The following COLGALT2 variants were observed in gnomAD, a reference collection of about 807,000 sequenced individuals.
The protein encoded by COLGALT2 is procollagen galactosyltransferase 2.
Under a neutral mutation model 73.4 loss-of-function variants are expected in COLGALT2, and 49 were observed. That is an observed-to-expected ratio of 0.67 (90% CI 0.53 to 0.85). COLGALT2 has a LOEUF of 0.85. Among genes scored for constraint, COLGALT2 ranks in the 40% least tolerant of loss-of-function variants. The probability of loss-of-function intolerance (pLI) is 0.00; values close to 1 mark genes in which losing one functional copy is unlikely to be tolerated. For synonymous variants in COLGALT2, 295 were observed against 307.6 expected (o/e 0.96, Z 0.43); for missense variants, 722 against 790.2 (o/e 0.91, Z 1.03).
intron 1 of COLGALT2, among the ~76,000 whole-genome samples, chr1:184,000,652 A>G (rs1231107954): frequency 1.3e-5 from 2 of 151,882 alleles, no homozygotes; most frequent in African/African-American, 2.4e-5. Context: ...TCTGCATCTT[A>G]AGTCTTTATT....
At chr1:183,978,243 T>A (rs949176013) in intron 2 of COLGALT2, among the ~76,000 whole-genome samples, 167 bp downstream of exon 2, 3 of 152,304 alleles carry the variant, frequency 2.0e-5, no homozygotes, top group East Asian at 1.9e-4. Context: ...AAGAGAGTAC[T>A]GTGAAGATCT....
At position 184,037,208 on chromosome 1, in the gene COLGALT2, C is replaced by A; in HGVS notation, c.150G>T (p.Leu50=). ...EEPVVFPESP[L]QSPTVLVAVL... ...CCGCCACGAGCACCGTGGGGCTCTG[C>A]AGGGGCGACTCCGGGAAAACCACCG... The change falls in exon 1 of 12, where the codon CTG becomes CTT. Residue 50 remains leucine, a synonymous_variant. Coordinates refer to ENST00000361927, the MANE Select transcript of COLGALT2 (RefSeq NM_015101.4). The A allele has an allele frequency of 3.1e-6, 5 of 1,603,916 alleles. No homozygotes were observed. The highest frequency in any genetic ancestry group is 4.2e-6 in the Non-Finnish European group (5 of 1,176,804).
At chr1:183,978,368 A>T (rs1671262018) in intron 2 of COLGALT2, 42 bp downstream of exon 2, 1 of 1,078,984 alleles carries the variant, frequency 9.3e-7, no homozygotes, top group Non-Finnish European at 1.4e-6. Flanking sequence ...TTAAAGAGGA[A>T]GGGTAAATAA....
At chr1:184,011,695 C>T (rs936331001) in intron 1 of COLGALT2, among the ~76,000 whole-genome samples, 5 of 152,148 alleles carry the variant, frequency 3.3e-5, no homozygotes, top group South Asian at 2.1e-4. Context: ...AATGTCATTG[C>T]GTAGTTATAG....
chr1:184,015,091 G>T (rs996774410), intron 1 of COLGALT2, among the ~76,000 whole-genome samples: 1 of 144,662 alleles, frequency 6.9e-6, no homozygotes, highest in African/African-American at 2.6e-5. Context: ...GCTTTTTCTA[G>T]TGGGTAAAAA....
chr1:184,020,118 AT>A (rs1430662025), intron 1 of COLGALT2, among the ~76,000 whole-genome samples: 1 of 152,176 alleles, frequency 6.6e-6, no homozygotes, highest in Non-Finnish European at 1.5e-5. Flanking sequence ...CAAATAAAGC[AT>A]TTTTTCATAT....
In COLGALT2 at chr1:183,967,568, G is replaced by C. The variant is rs143263096; in HGVS notation, c.832+1701C>G. On this transcript the variant is annotated intron_variant, in intron 5 of 11. Transcript: ENST00000361927. ...ATCATTTTTCCCATACCAATATCCA[G>C]GTATTGGTTTCATACAATGTATCAT... Among the ~76,000 whole-genome samples the C allele has an allele frequency of 1.1e-4, 16 of 152,254 alleles. No homozygotes were observed. The East Asian group carries it at 3.1e-3, about 29-fold the overall frequency.
chr1:184,019,565 G>C (rs966410829), intron 1 of COLGALT2, among the ~76,000 whole-genome samples: 2 of 152,120 alleles, frequency 1.3e-5, no homozygotes, highest in African/African-American at 2.4e-5. Flanking sequence ...TCCTATTTTA[G>C]GAGATGCAGA....
chr1:183,981,399 T>A (rs1671345416), intron 1 of COLGALT2, among the ~76,000 whole-genome samples: 1 of 152,088 alleles, frequency 6.6e-6, no homozygotes, highest in South Asian at 2.1e-4. Flanking sequence ...ATGCCCGCAA[T>A]TGCAGCACTT....
In COLGALT2 at chr1:183,996,921, G is replaced by A. The variant is rs116556246; in HGVS notation, c.264-18401C>T. On this transcript the variant is annotated intron_variant, in intron 1 of 11. Coordinates refer to ENST00000361927, the MANE Select transcript of COLGALT2 (RefSeq NM_015101.4). The stretch of plus-strand genomic sequence containing the variant: ...TACTTAGGCTTTTTTACATTTTTGA[G>A]CTTATCGAAAGAATTTCGATGGTAT... 5.1e-3 allele frequency among the ~76,000 whole-genome samples: 783 copies of A among 152,320 alleles called. 10 individuals are homozygous for A. Among genetic ancestry groups the A allele is most frequent in the African/African-American group, 0.018 (754 of 41,568 alleles).
rs186564325 is a variant in COLGALT2 at position 183,994,415 on chromosome 1, G to C, written c.264-15895C>G. Among the ~76,000 whole-genome samples the C allele has an allele frequency of 1.8e-3, 280 of 151,778 alleles. 1 individual carries two copies. The highest frequency in any genetic ancestry group is 6.2e-3 in the African/African-American group (257 of 41,378). ...GGATGAGAAAATAGTTACAAAGCTA[G>C]TAAGTAATGGATCCACGATTCAAGC... On this transcript the variant is annotated intron_variant, in intron 1 of 11. Coordinates refer to ENST00000361927, the MANE Select transcript of COLGALT2 (RefSeq NM_015101.4).
At chr1:183,969,058 G>A (rs1670959475) in intron 5 of COLGALT2, among the ~76,000 whole-genome samples, 1 of 152,024 alleles carries the variant, frequency 6.6e-6, no homozygotes, top group South Asian at 2.1e-4. Flanking sequence ...AATAGAGTGG[G>A]TTCCTGGGTA....
chr1:183,931,233 C>T (rs896897947), downstream of COLGALT2, among the ~76,000 whole-genome samples: 2 of 152,134 alleles, frequency 1.3e-5, no homozygotes, highest in African/African-American at 2.4e-5. Flanking sequence ...ACTTCCACAG[C>T]CTCACGGAAC....
rs1669966433 is a variant in COLGALT2 at position 183,936,782 on chromosome 1, T to C, written c.*1979A>G. 1 of 1,231,436 alleles carries C rather than the reference T, an allele frequency of 8.1e-7. No individual in the cohort carries two copies. Among genetic ancestry groups the C allele is most frequent in the South Asian group, 4.1e-5 (1 of 24,216 alleles). 76.3% of individuals were successfully genotyped at this position (1,231,436 alleles called of 1,614,324 possible). ...AAAGGAAGTCACACTGACAGCTAAG[T>C]CTAAGCGGCACAATTTAGAGTTGGG... On this transcript the variant is annotated 3_prime_UTR_variant, in exon 12 of 12. Transcript: ENST00000361927.
intron 1 of COLGALT2, among the ~76,000 whole-genome samples, chr1:183,995,211 A>C (rs931110361): frequency 4.6e-5 from 7 of 152,226 alleles, no homozygotes; most frequent in African/African-American, 1.7e-4. Context: ...TCATCAGTGA[A>C]AGAAATAAGT....
intron 1 of COLGALT2, among the ~76,000 whole-genome samples, chr1:183,983,338 C>T (rs1441956445): frequency 6.6e-6 from 1 of 152,166 alleles, no homozygotes; most frequent in Non-Finnish European, 1.5e-5. Context: ...CCGCTTAAGA[C>T]TAAGTTTCCC....
At chr1:184,028,926 A>G (rs1476113520) in intron 1 of COLGALT2, among the ~76,000 whole-genome samples, 1 of 152,244 alleles carries the variant, frequency 6.6e-6, no homozygotes, top group Non-Finnish European at 1.5e-5. Flanking sequence ...GCTGAATTTG[A>G]CAAACAACTA....
Position 183,978,439 on chromosome 1 carries a change from A to C in COLGALT2, c.345T>G (p.Tyr115Ter), listed in dbSNP as rs754792642. The part of the protein sequence containing the change: ...WLKNVQRLYH[Y>*]VEWRPMDEPE... Reference sequence around the variant, plus strand: ...GTTCATCCATAGGCCTCCACTCCACATAGTGATAGAGTCTCTGTACATTTT... The same window carrying C: ...GTTCATCCATAGGCCTCCACTCCACCTAGTGATAGAGTCTCTGTACATTTT... Residue 115 changes from tyrosine to a stop codon, truncating the protein, a stop_gained, in exon 2 of 12, where the codon TAT becomes TAG. Coordinates refer to ENST00000361927, the MANE Select transcript of COLGALT2 (RefSeq NM_015101.4). LOFTEE classifies it high-confidence loss of function. 5 of 1,610,338 alleles carry C rather than the reference A, an allele frequency of 3.1e-6. No individual in the cohort carries two copies.
intron 1 of COLGALT2, among the ~76,000 whole-genome samples, chr1:184,023,654 G>C (rs929792984): frequency 6.7e-6 from 1 of 149,672 alleles, no homozygotes; most frequent in African/African-American, 2.5e-5. Flanking sequence ...GGGGGGGGGG[G>C]GCGGTGCCGG....
Sources: allele counts gnomAD v4.1 joint callset (sites outside exome capture counted in the v4.1 genomes callset), GRCh38; gene constraint gnomAD v4.1.1; transcripts MANE v1.5; gene names NCBI Gene and HGNC (gene_info 2026-07-23, HGNC 2026-07-21).